LITAFD: variants seen among roughly 807,000 people sequenced by gnomAD.
The protein encoded by LITAFD is LITAF domain containing.
intron 3 of LITAFD, chr16:8,884,969 A>C: frequency 2.5e-6 from 1 of 397,806 alleles, no homozygotes; most frequent in Non-Finnish European, 4.4e-6. Flanking sequence ...ACGTGCCTGT[A>C]ATCCCAGCTA....
intron 3 of LITAFD, 22 bp downstream of exon 3, chr16:8,884,487 G>C (rs1314641651): frequency 1.0e-5 from 4 of 398,784 alleles, no homozygotes; most frequent in Non-Finnish European, 1.8e-5. Context: ...CCCCTCCGCC[G>C]CTGCAGAGGC....
At chr16:8,883,068 T>G (rs2141143127) in intron 1 of LITAFD, 142 bp from the exon 2 acceptor site, 1 of 152,364 alleles carries the variant, frequency 6.6e-6, no homozygotes, top group South Asian at 2.1e-4. Context: ...ACTCCTGATC[T>G]CGGGTGCTCT....
rs111580759 is a variant in LITAFD, at chr16:8,884,628, C to T, written c.110+163C>T. 4.5e-3 allele frequency among the ~76,000 whole-genome samples: 681 copies of T among 152,258 alleles called. 2 individuals carry two copies. Among genetic ancestry groups the T allele is most frequent in the African/African-American group, 0.016 (652 of 41,546 alleles). ...TTACCTCCTTGAGAGGAGGCGGCAG[C>T]CCTCTGACCCAGGGACCTCCCATGA... On this transcript the variant is annotated intron_variant, in intron 3 of 3. Transcript: ENST00000636296.
chr16:8,883,845 G>T (rs1019445391), intron 2 of LITAFD, among the ~76,000 whole-genome samples: 1 of 152,116 alleles, frequency 6.6e-6, no homozygotes, highest in Non-Finnish European at 1.5e-5. Context: ...CAGGTGGATC[G>T]CATGAGGTCA....
Position 8,884,305 on chromosome 16 carries a change from C to T in LITAFD, c.-33-18C>T, listed in dbSNP as rs1191923247. 5 of 398,944 alleles carry T rather than the reference C, an allele frequency of 1.3e-5. No homozygotes were observed. The highest frequency in any genetic ancestry group is 3.6e-5 in the East Asian group (1 of 28,074). The allele number at this position is 398,944 out of a possible 1,614,324, so 24.7% of individuals were successfully genotyped here. The stretch of plus-strand genomic sequence containing the variant: ...GCCCCGGGGGGTCCCACCTGCTTCC[C>T]GCTTCCCACTCCCACAGCTGTATGC... On this transcript the variant is annotated intron_variant, in intron 2 of 3. Transcript: ENST00000636296.
chr16:8,883,676 A>C (rs905417416), intron 2 of LITAFD, among the ~76,000 whole-genome samples: 7 of 152,080 alleles, frequency 4.6e-5, no homozygotes, highest in Non-Finnish European at 1.0e-4. Context: ...AATTTAAACA[A>C]ATTTTCCAAG....
In LITAFD at chr16:8,883,759, G is replaced by A. The variant is rs545686319; in HGVS notation, c.-34+473G>A. 3.0e-4 allele frequency among the ~76,000 whole-genome samples: 45 copies of A among 152,222 alleles called. 1 individual carries two copies. In the South Asian group the frequency reaches 8.3e-3, roughly 28 times the overall value. ...TCCTGGAGGGCACAGTGAAGATGAC[G>A]TCACCATTGAAAAGCACCCTTTAGG... On this transcript the variant is annotated intron_variant, in intron 2 of 3. Transcript: ENST00000636296.
At chr16:8,883,834 G>A (rs1289582671) in intron 2 of LITAFD, among the ~76,000 whole-genome samples, 1 of 152,210 alleles carries the variant, frequency 6.6e-6, no homozygotes, top group Non-Finnish European at 1.5e-5. Context: ...GGAGGCCAAG[G>A]CAGGTGGATC....
chr16:8,882,730 A>T (rs867630811), intron 1 of LITAFD: 1 of 152,122 alleles, frequency 6.6e-6, no homozygotes, highest in Non-Finnish European at 1.5e-5. Flanking sequence ...AACGTGCTGT[A>T]CTCTCCCTTA....
exon 1 of LITAFD, chr16:8,882,442 C>T (rs1329415368): frequency 1.3e-5 from 2 of 152,512 alleles, no homozygotes; most frequent in African/African-American, 4.8e-5. Context: ...GAGCTCAGAA[C>T]ACGGTGCTGC....
At chr16:8,884,420 C>T (rs1190618085) in exon 3 of LITAFD, 5 of 294,992 alleles carry the variant, frequency 1.7e-5, no homozygotes, top group South Asian at 1.6e-4. Flanking sequence ...ACCTTTGTCC[C>T]GGGTGCCCTC....
chr16:8,883,687 G>T (rs745552033), intron 2 of LITAFD, among the ~76,000 whole-genome samples: 15 of 152,202 alleles, frequency 9.9e-5, no homozygotes, highest in Non-Finnish European at 1.6e-4. Context: ...ATTTTCCAAG[G>T]AATTCTCAGG....
At chr16:8,884,997 G>A in intron 3 of LITAFD, 190 bp from the exon 4 acceptor site, 1 of 398,342 alleles carries the variant, frequency 2.5e-6, no homozygotes, top group Non-Finnish European at 4.4e-6. Flanking sequence ...GACTGAGGCA[G>A]GGGAGGCAGA....
At chr16:8,882,384 A>T (rs1450963086) in exon 1 of LITAFD, 1 of 152,756 alleles carries the variant, frequency 6.5e-6, no homozygotes, top group African/African-American at 2.4e-5. Context: ...CCTCCTGGCA[A>T]CCGGGCCTCC....
chr16:8,883,640 C>T (rs139291955), intron 2 of LITAFD, among the ~76,000 whole-genome samples: 243 of 152,286 alleles, frequency 1.6e-3, no homozygotes, highest in African/African-American at 5.5e-3. Context: ...AAGGCCGAGC[C>T]CCCCAGGTGG....
At chr16:8,884,872 G>A (rs2141144036) in intron 3 of LITAFD, among the ~76,000 whole-genome samples, 1 of 152,276 alleles carries the variant, frequency 6.6e-6, no homozygotes, top group South Asian at 2.1e-4. Context: ...GTCACTTGAG[G>A]TCAGGAGTTA....
At chr16:8,884,165 G>T (rs1229608144) in intron 2 of LITAFD, among the ~76,000 whole-genome samples, 158 bp from the exon 3 acceptor site, 1 of 152,120 alleles carries the variant, frequency 6.6e-6, no homozygotes, top group Non-Finnish European at 1.5e-5. Flanking sequence ...AAACCGGGGT[G>T]GGGGAGCCAC....
intron 2 of LITAFD, 104 bp downstream of exon 2, chr16:8,883,390 A>G (rs2061550576): frequency 6.6e-6 from 1 of 152,004 alleles, no homozygotes; most frequent in South Asian, 2.1e-4. Context: ...CTCTGCCCAA[A>G]CAGCACATCC....
intron 3 of LITAFD, 141 bp from the exon 4 acceptor site, chr16:8,885,046 C>T: frequency 2.5e-6 from 1 of 399,220 alleles, no homozygotes; most frequent in Non-Finnish European, 4.4e-6. Flanking sequence ...GCACTCCAGC[C>T]TGGGATACAG....
Sources: allele counts gnomAD v4.1 joint callset (sites outside exome capture counted in the v4.1 genomes callset), GRCh38; gene constraint gnomAD v4.1.1; transcripts MANE v1.5; gene names NCBI Gene and HGNC (gene_info 2026-07-23, HGNC 2026-07-21).